BRF1: variants seen among roughly 807,000 people sequenced by gnomAD.
The protein encoded by BRF1 is BRF1 general transcription factor IIIB subunit.
In BRF1, 59 loss-of-function variants were observed where a neutral mutation model predicts 81.7. The observed-to-expected ratio is 0.72, with a 90% confidence interval of 0.59 to 0.90. The LOEUF (loss-of-function observed/expected upper bound fraction) is 0.90. Ranked by LOEUF, BRF1 falls within the 40% of genes least tolerant of loss-of-function variation. The probability of loss-of-function intolerance (pLI) is 0.00; values close to 1 mark genes in which losing one functional copy is unlikely to be tolerated. For synonymous variants in BRF1, 491 were observed against 395.6 expected (o/e 1.24, Z -2.86); for missense variants, 1,050 against 936.3 (o/e 1.12, Z -1.58).
chr14:105,251,387 C>T (rs746977290), intron 5 of BRF1, among the ~76,000 whole-genome samples: 1 of 152,176 alleles, frequency 6.6e-6, no homozygotes, highest in African/African-American at 2.4e-5. Flanking sequence ...CTGGGCCCAG[C>T]GTTCTGGACC....
chr14:105,223,430 G>A (rs954741882), intron 10 of BRF1, among the ~76,000 whole-genome samples: 3 of 151,998 alleles, frequency 2.0e-5, no homozygotes, highest in Non-Finnish European at 2.9e-5. Context: ...CCATTGATGC[G>A]TGACTCAACA....
chr14:105,226,349 T>A, intron 8 of BRF1, 59 bp from the exon 9 acceptor site: 2 of 1,609,270 alleles, frequency 1.2e-6, no homozygotes, highest in Non-Finnish European at 1.7e-6. Flanking sequence ...CAGCGCAGCC[T>A]CTGGGGTGCC....
intron 10 of BRF1, among the ~76,000 whole-genome samples, chr14:105,224,360 C>T (rs189122178): frequency 3.9e-5 from 6 of 152,262 alleles, no homozygotes; most frequent in African/African-American, 1.2e-4. Context: ...CAGAGTGAGC[C>T]TGTCTCCAAA....
chr14:105,277,847 C>T (rs1410716621), intron 2 of BRF1, among the ~76,000 whole-genome samples: 2 of 152,146 alleles, frequency 1.3e-5, no homozygotes, highest in Non-Finnish European at 2.9e-5. Flanking sequence ...CTCTGCTTCC[C>T]GGGTTCAAGT....
chr14:105,225,807 C>T (rs2141551520), intron 10 of BRF1, among the ~76,000 whole-genome samples: 1 of 152,296 alleles, frequency 6.6e-6, no homozygotes, highest in South Asian at 2.1e-4. Context: ...ACCACCACGC[C>T]CAGCTAATTT....
chr14:105,262,524 C>T (rs980439937), intron 3 of BRF1, among the ~76,000 whole-genome samples: 1 of 152,224 alleles, frequency 6.6e-6, no homozygotes, highest in African/African-American at 2.4e-5. Flanking sequence ...GTGTGCAGTA[C>T]ACCCTGAATA....
rs143893506 is a variant in BRF1, at chr14:105,250,219, G to A, written c.544+2288C>T. ...TGACCAAGAGGAAGGGCCTCGCCCC[G>A]CAGAGGTGCCACCGATTCCAGTCTT... On this transcript the variant is annotated intron_variant, in intron 5 of 17. Transcript: ENST00000547530. 230 of 1,612,892 alleles carry A rather than the reference G, an allele frequency of 1.4e-4. 1 individual carries two copies. In the African/African-American group the frequency reaches 2.4e-3, roughly 17 times the overall value.
chr14:105,227,962 T>C (rs1288710625), intron 7 of BRF1: 1 of 152,236 alleles, frequency 6.6e-6, no homozygotes, highest in Non-Finnish European at 1.5e-5. Context: ...ATTTACCTTG[T>C]CAAAGTCTAT....
At chr14:105,286,948 A>T (rs2057337087) in intron 1 of BRF1, among the ~76,000 whole-genome samples, 1 of 152,106 alleles carries the variant, frequency 6.6e-6, no homozygotes, top group Non-Finnish European at 1.5e-5. Context: ...CCACTCAGAT[A>T]TCACTCCTGC....
At chr14:105,215,728 A>G (rs1399730916) in intron 15 of BRF1, among the ~76,000 whole-genome samples, 1 of 147,492 alleles carries the variant, frequency 6.8e-6, no homozygotes, top group African/African-American at 2.5e-5. Flanking sequence ...ACACATGCAC[A>G]CACACACACT....
chr14:105,219,507 G>T, intron 12 of BRF1: 1 of 608,396 alleles, frequency 1.6e-6, no homozygotes, highest in Non-Finnish European at 2.7e-6. Flanking sequence ...ACCCTGGCCA[G>T]CCAGAGTGCA....
chr14:105,251,513 G>A (rs1338745189), intron 5 of BRF1, among the ~76,000 whole-genome samples: 1 of 152,202 alleles, frequency 6.6e-6, no homozygotes, highest in African/African-American at 2.4e-5. Flanking sequence ...TGCATACCCT[G>A]TAGGCAGTTG....
intron 3 of BRF1, among the ~76,000 whole-genome samples, chr14:105,272,321 G>GCAACAGCACC (rs1455981700): frequency 1.3e-5 from 2 of 152,222 alleles, no homozygotes; most frequent in Admixed American, 1.3e-4. Context: ...CAGGCACTCG[G>GCAACAGCACC]TGTACGCCTG....
intron 5 of BRF1, chr14:105,249,210 GGCCCCC>G: frequency 6.3e-7 from 1 of 1,588,020 alleles, no homozygotes; most frequent in Non-Finnish European, 8.5e-7. Flanking sequence ...TTCGTCGTGG[GGCCCCC>G]GGGGGCGACC....
At chr14:105,285,548 G>A (rs762268727) in intron 2 of BRF1, among the ~76,000 whole-genome samples, 3 of 152,128 alleles carry the variant, frequency 2.0e-5, no homozygotes, top group South Asian at 2.1e-4. Context: ...AGAGGAAGGC[G>A]CAAAACTCCA....
intron 1 of BRF1, among the ~76,000 whole-genome samples, chr14:105,289,443 A>G (rs1224074385): frequency 1.4e-5 from 2 of 147,916 alleles, no homozygotes; most frequent in Non-Finnish European, 3.0e-5. Flanking sequence ...GCCTGCTGAT[A>G]TGAGAATCCA....
In BRF1 at chr14:105,241,428, A is replaced by C; in HGVS notation, c.545-14T>G. The C allele has an allele frequency of 6.2e-7, 1 of 1,609,736 alleles. No homozygotes were observed. Among genetic ancestry groups the C allele is most frequent in the Non-Finnish European group, 8.5e-7 (1 of 1,179,826 alleles). The stretch of plus-strand genomic sequence containing the variant: ...ACAGGCACGGGTCTGCGGCAGACAC[A>C]GCACCTCAGTGCCCACCTCCATGTG... On this transcript the variant is annotated splice_polypyrimidine_tract_variant and intron_variant, in intron 5 of 17. Coordinates refer to ENST00000547530, the MANE Select transcript of BRF1 (RefSeq NM_001519.4).
chr14:105,223,703 T>C (rs2141520365), intron 10 of BRF1, among the ~76,000 whole-genome samples: 1 of 152,182 alleles, frequency 6.6e-6, no homozygotes, highest in East Asian at 1.9e-4. Context: ...GTGGGTCTTC[T>C]TGGTTGTCAC....
chr14:105,262,613 G>A (rs1008809420), intron 3 of BRF1, among the ~76,000 whole-genome samples: 2 of 152,184 alleles, frequency 1.3e-5, no homozygotes, highest in Admixed American at 1.3e-4. Flanking sequence ...AAAGATCCCT[G>A]CTCTGAAGAC....
Sources: allele counts gnomAD v4.1 joint callset (sites outside exome capture counted in the v4.1 genomes callset), GRCh38; gene constraint gnomAD v4.1.1; transcripts MANE v1.5; gene names NCBI Gene and HGNC (gene_info 2026-07-23, HGNC 2026-07-21).